EDA: variants seen among roughly 807,000 people sequenced by gnomAD.
The protein encoded by EDA is ectodysplasin-A.
Under a neutral mutation model 23.6 loss-of-function variants are expected in EDA, and 2 were observed. That is an observed-to-expected ratio of 0.08 (90% CI 0.03 to 0.27). EDA has a LOEUF of 0.27. Among genes scored for constraint, EDA ranks in the 10% least tolerant of loss-of-function variants. The pLI is 1.00. For missense variants in EDA, 229 were observed against 324.2 expected, an observed-to-expected ratio of 0.71 and a Z score of 2.26; for synonymous variants, 131 against 132.0, an observed-to-expected ratio of 0.99 and a Z score of 0.05.
chrX:69,948,244 T>C (rs2018862542), intron 1 of EDA, among the ~76,000 whole-genome samples: 1 of 112,468 alleles, frequency 8.9e-6, no homozygotes, highest in Non-Finnish European at 1.9e-5. Flanking sequence ...ATACTTTTTT[T>C]ATTTTCCTTT....
chrX:69,924,306 A>C (rs752725422), intron 1 of EDA, among the ~76,000 whole-genome samples: 1 of 111,750 alleles, frequency 8.9e-6, no homozygotes, highest in Non-Finnish European at 1.9e-5. Flanking sequence ...TGGGTTTTAC[A>C]TGTAAGTCCT....
intron 1 of EDA, among the ~76,000 whole-genome samples, chrX:69,727,322 A>G (rs144701488): frequency 1.2e-3 from 133 of 112,170 alleles, no homozygotes; most frequent in African/African-American, 4.1e-3. Context: ...TGAGCATGAA[A>G]ACAGGACTAC....
chrX:69,617,393 T>G lies in EDA; in HGVS notation c.396+689T>G, dbSNP rs1361354011. ...TCACCCTTTGCATGCCGGTTCTGAT[T>G]CTTAAGCGGGGTAGGTGTGCGGTGG... is the stretch of plus-strand genomic sequence containing the variant. On this transcript the variant is annotated intron_variant, in intron 1 of 7. Transcript: ENST00000374552. 11 of 127,795 alleles carry G rather than the reference T, an allele frequency of 8.6e-5. No individual in the cohort carries two copies. In the South Asian group the frequency reaches 1.5e-3, roughly 17 times the overall value. 10.5% of individuals were successfully genotyped at this position (127,795 alleles called of 1,213,427 possible). A position where few individuals can be genotyped will look rare whatever the true frequency, so the allele number is the denominator to read the frequency against.
intron 1 of EDA, among the ~76,000 whole-genome samples, chrX:69,787,270 T>C (rs1410220186): frequency 9.9e-6 from 1 of 100,610 alleles, no homozygotes; most frequent in Admixed American, 1.1e-4. Flanking sequence ...GTCTTTTAAT[T>C]GGAGCATTTA....
chrX:69,951,226 C>T (rs745670708), intron 1 of EDA, among the ~76,000 whole-genome samples: 13 of 111,318 alleles, frequency 1.2e-4, no homozygotes, highest in African/African-American at 3.9e-4. Flanking sequence ...TCAGCTCTCT[C>T]GCCCTTCTGC....
intron 1 of EDA, among the ~76,000 whole-genome samples, chrX:69,662,506 T>TTTA (rs1303349087): frequency 1.8e-5 from 2 of 112,450 alleles, no homozygotes; most frequent in African/African-American, 6.5e-5. Flanking sequence ...TGTGAGTCCA[T>TTTA]TAAACCTCTT....
chrX:69,781,230 T>C (rs2014933311), intron 1 of EDA, among the ~76,000 whole-genome samples: 2 of 111,591 alleles, frequency 1.8e-5, no homozygotes, highest in Admixed American at 9.5e-5. Context: ...TGTGGATGTA[T>C]GTATTCATTT....
chrX:69,706,720 GTC>G (rs2011738656), intron 1 of EDA, among the ~76,000 whole-genome samples: 1 of 111,969 alleles, frequency 8.9e-6, no homozygotes, highest in African/African-American at 3.2e-5. Flanking sequence ...AGAAAGGAAT[GTC>G]TATGTTGAGA....
At chrX:69,950,376 CA>C in intron 1 of EDA, among the ~76,000 whole-genome samples, 1 of 102,259 alleles carries the variant, frequency 9.8e-6, no homozygotes, top group African/African-American at 3.6e-5. Context: ...AAATGCAAAT[CA>C]AAACCACAAT....
intron 2 of EDA, among the ~76,000 whole-genome samples, chrX:70,019,196 G>A (rs1569402646): frequency 8.9e-6 from 1 of 111,961 alleles, no homozygotes; most frequent in Non-Finnish European, 1.9e-5. Flanking sequence ...AAAAATAAGA[G>A]ATGCTGGTGA....
intron 1 of EDA, among the ~76,000 whole-genome samples, chrX:69,909,019 A>G (rs996070598): frequency 9.9e-5 from 11 of 110,902 alleles, no homozygotes; most frequent in Non-Finnish European, 2.1e-4. Context: ...TATGATTACT[A>G]TCTCTACTGG....
At chrX:69,670,096 A>G in intron 1 of EDA, 1 of 306,541 alleles carries the variant, frequency 3.3e-6, no homozygotes, top group East Asian at 4.7e-5. Flanking sequence ...GTGGTGATGA[A>G]TTCCTTAAAT....
At chrX:69,996,957 C>T (rs1420294133) in intron 2 of EDA, among the ~76,000 whole-genome samples, 2 of 112,310 alleles carry the variant, frequency 1.8e-5, no homozygotes, top group Non-Finnish European at 3.8e-5. Context: ...TCCCCGGCCA[C>T]GTGGACCTGT....
At position 69,824,606 on chromosome X, in the gene EDA, A is replaced by C. The variant is rs1226123757; in HGVS notation, c.397-132421A>C. Among the ~76,000 whole-genome samples the C allele has an allele frequency of 2.9e-5, 3 of 103,784 alleles. No homozygotes were observed. In the East Asian group the frequency reaches 9.4e-4, roughly 33 times the overall value. 90.1% of individuals were successfully genotyped at this position (103,784 alleles called of 115,157 possible). ...GCTTAAGGAGATTTTGGGCTGAGAC[A>C]ATGGGGTTTTCTAGATATACAATCA... On this transcript the variant is annotated intron_variant, in intron 1 of 7. Coordinates refer to ENST00000374552, the MANE Select transcript of EDA (RefSeq NM_001399.5).
At chrX:69,798,518 G>A (rs1265658420) in intron 1 of EDA, among the ~76,000 whole-genome samples, 1 of 111,287 alleles carries the variant, frequency 9.0e-6, no homozygotes, top group Non-Finnish European at 1.9e-5. Context: ...GAGGAACTTT[G>A]GAAACTCTAC....
rs978040417 is a variant in EDA, at chrX:70,037,844, T to G, written c.*2235T>G. On this transcript the variant is annotated 3_prime_UTR_variant, in exon 8 of 8. Coordinates refer to ENST00000374552, the MANE Select transcript of EDA (RefSeq NM_001399.5). ...GCGAACAGCCTTAGAGCTCTTGTGT[T>G]CAGAAGAATCTTCCTGGCACAATGT... The G allele has an allele frequency of 8.9e-6, 1 of 111,948 alleles. No homozygotes were observed. Among genetic ancestry groups the G allele is most frequent in the African/African-American group, 3.3e-5 (1 of 30,725 alleles). 9.2% of individuals were successfully genotyped at this position (111,948 alleles called of 1,213,427 possible). A position where few individuals can be genotyped will look rare whatever the true frequency, so the allele number is the denominator to read the frequency against.
chrX:69,823,721 T>G (rs1389000683), intron 1 of EDA, among the ~76,000 whole-genome samples: 12 of 95,587 alleles, frequency 1.3e-4, no homozygotes, highest in South Asian at 5.3e-4. Flanking sequence ...ATTTGTCAAT[T>G]TTGGCTTTTG....
intron 1 of EDA, among the ~76,000 whole-genome samples, chrX:69,661,106 G>T (rs1394004085): frequency 9.1e-6 from 1 of 109,933 alleles, no homozygotes; most frequent in African/African-American, 3.3e-5. Context: ...GTGATGATGA[G>T]CATTTTTTCA....
intron 1 of EDA, among the ~76,000 whole-genome samples, chrX:69,772,807 A>G (rs1014241587): frequency 8.0e-5 from 9 of 111,949 alleles, no homozygotes; most frequent in African/African-American, 2.9e-4. Flanking sequence ...TGCAGAGGGC[A>G]TGATTTCATT....
Sources: gnomAD v4.1 joint callset for allele counts (sites outside exome capture counted in the v4.1 genomes callset) on GRCh38, gnomAD v4.1.1 for gene constraint, MANE v1.5 for transcripts, NCBI Gene and HGNC (gene_info 2026-07-23, HGNC 2026-07-21) for gene names.